The following GRIP2 variants were observed in gnomAD, a reference collection of about 807,000 sequenced individuals.
The protein encoded by GRIP2 is glutamate receptor interacting protein 2.
GRIP2 carries 58 observed loss-of-function variants against 108.3 expected under a neutral mutation model. That is an observed-to-expected ratio of 0.54 (90% CI 0.43 to 0.67). The LOEUF is 0.67. Ranked by LOEUF, GRIP2 falls within the 30% of genes least tolerant of loss-of-function variation. GRIP2 has a pLI of 0.00. For synonymous variants in GRIP2, 586 were observed against 598.2 expected, an observed-to-expected ratio of 0.98 and a Z score of 0.30; for missense variants, 1,278 against 1,430.6, an observed-to-expected ratio of 0.89 and a Z score of 1.72.
the GRIP2 span, among the ~76,000 whole-genome samples, chr3:14,570,671 T>C: frequency 1.3e-5 from 2 of 152,372 alleles, no homozygotes; most frequent in Admixed American, 6.5e-5. Flanking sequence ...CATTTTTCAA[T>C]AACTCATTGT....
rs1195253119 is a variant in GRIP2, at chr3:14,540,001, A to C, written c.40+268T>G. 2.0e-5 allele frequency among the ~76,000 whole-genome samples: 3 copies of C among 152,094 alleles called. No homozygotes were observed. The highest frequency in any genetic ancestry group is 2.9e-5 in the Non-Finnish European group (2 of 67,988). The stretch of plus-strand genomic sequence containing the variant: ...CAGCCTTCCCCCTACAAGGCTGAGC[A>C]CTGCCCTCGGAACCTCCAGACCCGC... On this transcript the variant is annotated intron_variant, in intron 1 of 23. Coordinates refer to ENST00000621039, the MANE Select transcript of GRIP2 (RefSeq NM_001080423.4). The surrounding 1 kb of genome is among the most constrained non-coding windows in gnomAD (Gnocchi z 4.1).
chr3:14,555,589 C>G (rs1327329086), intron 1 of GRIP2, among the ~76,000 whole-genome samples: 3 of 151,060 alleles, frequency 2.0e-5, no homozygotes, highest in African/African-American at 7.3e-5. Context: ...AGAGGCCAGA[C>G]AGAGAGACAG....
the GRIP2 span, among the ~76,000 whole-genome samples, chr3:14,567,073 G>A: frequency 1.3e-5 from 2 of 152,156 alleles, no homozygotes; most frequent in African/African-American, 4.8e-5. Flanking sequence ...GCCCAGCCTT[G>A]AGGCATCTTT....
chr3:14,575,232 G>GA, the GRIP2 span, among the ~76,000 whole-genome samples: 1 of 152,186 alleles, frequency 6.6e-6, no homozygotes, highest in Non-Finnish European at 1.5e-5. Context: ...TAAAAGAGGA[G>GA]AAAAAAGATG....
In GRIP2 at chr3:14,512,849, T is replaced by C; in HGVS notation, c.1648A>G (p.Ile550Val). The C allele has an allele frequency of 6.2e-7, 1 of 1,613,692 alleles. No homozygotes were observed. The highest frequency in any genetic ancestry group is 8.5e-7 in the Non-Finnish European group (1 of 1,179,854). The change falls in exon 14 of 24, where the codon ATC becomes GTC. Residue 550 changes from isoleucine (I) to valine (V), a missense_variant. Ile to Val is a conservative substitution (Grantham distance 29). Transcript: ENST00000621039. This position sits in a 1 kb window ranked among gnomAD's most constrained non-coding sequence, Gnocchi z 5.1. The stretch of plus-strand genomic sequence containing the variant: ...ACGTGGAAGGTGCCACTGCTTGGGA[T>C]GACGGACTCTGGGGGTAGATGGACA... ...EVEFDVAESV[I>V]PSSGTFHVKL...
chr3:14,560,706 G>C (rs1191582875), upstream of GRIP2, among the ~76,000 whole-genome samples: 1 of 152,154 alleles, frequency 6.6e-6, no homozygotes, highest in Admixed American at 6.5e-5. Flanking sequence ...TCAGCACCTG[G>C]AACCCACCAT....
At chr3:14,572,251 G>A in the GRIP2 span, among the ~76,000 whole-genome samples, 18 of 149,958 alleles carry the variant, frequency 1.2e-4, no homozygotes, top group African/African-American at 3.4e-4. Flanking sequence ...GCATATTCAC[G>A]CAATGGAACT....
chr3:14,525,891 C>T lies in GRIP2; in HGVS notation c.81G>A (p.Gly27=), dbSNP rs751471027. 4.5e-6 allele frequency: 7 copies of T among 1,561,794 alleles called. No individual in the cohort carries two copies. The highest frequency in any genetic ancestry group is 6.1e-6 in the Non-Finnish European group (7 of 1,152,694). ...TGCGGCACGCCAGGGAAACGTCGGCCCCTCCTGCGTCCTTGCCTCCTTTGG... is the reference window on the plus strand; with the variant it reads ...TGCGGCACGCCAGGGAAACGTCGGCTCCTCCTGCGTCCTTGCCTCCTTTGG... The part of the protein sequence containing the change: ...PYSKGGKDAG[G]ADVSLACRRQ... The change falls in exon 2 of 24, where the codon GGG becomes GGA. Residue 27 remains glycine (G), a synonymous_variant. Transcript: ENST00000621039.
chr3:14,550,111 G>A (rs994906947), intron 1 of GRIP2, among the ~76,000 whole-genome samples: 1 of 152,204 alleles, frequency 6.6e-6, no homozygotes, highest in Admixed American at 6.5e-5. Flanking sequence ...GACAGGGCTT[G>A]ACCCTGGGAT....
chr3:14,601,066 T>A, the GRIP2 span, among the ~76,000 whole-genome samples: 15,299 of 148,876 alleles, frequency 0.1, 783 homozygotes, highest in East Asian at 0.15. Context: ...TCTCTCTCTC[T>A]CACACACACA....
chr3:14,602,100 G>C, the GRIP2 span: 3 of 152,330 alleles, frequency 2.0e-5, no homozygotes, highest in Admixed American at 6.5e-5. This position sits in a 1 kb window ranked among gnomAD's most constrained non-coding sequence, Gnocchi z 4.7. Flanking sequence ...CCCAAAGTGA[G>C]CAGCGGGTGA....
chr3:14,590,022 G>C, the GRIP2 span, among the ~76,000 whole-genome samples: 1 of 152,050 alleles, frequency 6.6e-6, no homozygotes, highest in Non-Finnish European at 1.5e-5. Context: ...CAAACTCCTA[G>C]GTTCAAGTGA....
chr3:14,575,004 G>A, the GRIP2 span, among the ~76,000 whole-genome samples: 1 of 152,156 alleles, frequency 6.6e-6, no homozygotes, highest in Non-Finnish European at 1.5e-5. Context: ...GAACAGCCAG[G>A]GAATGATTTT....
chr3:14,525,366 TC>T lies in GRIP2; in HGVS notation c.257+70del, dbSNP rs907761622. 8 of 1,564,604 alleles carry T rather than the reference TC, an allele frequency of 5.1e-6. No individual in the cohort carries two copies. In the African/African-American group the frequency reaches 1.1e-4, roughly 21 times the overall value. Reference sequence around the variant, plus strand: ...TTTGCCTAAGACCTTCAGTACATTTTCCACTGGCCCTGGGCTCCCATCATTG... The same window carrying T: ...TTTGCCTAAGACCTTCAGTACATTTTCACTGGCCCTGGGCTCCCATCATTG... On this transcript the variant is annotated intron_variant, in intron 3 of 23. Transcript: ENST00000621039.
chr3:14,523,971 A>G, intron 4 of GRIP2: 1 of 520,352 alleles, frequency 1.9e-6, no homozygotes, highest in Non-Finnish European at 3.4e-6. Context: ...TGGTAGGCTC[A>G]GGCCAGGGCT....
chr3:14,579,417 A>AT, the GRIP2 span, among the ~76,000 whole-genome samples: 20 of 152,160 alleles, frequency 1.3e-4, no homozygotes, highest in Admixed American at 1.3e-3. Context: ...CAACAAAGTT[A>AT]TTTTTTAAAA....
Position 14,517,803 on chromosome 3 carries a change from C to A in GRIP2, c.1125G>T (p.Trp375Cys). The A allele has an allele frequency of 6.2e-7, 1 of 1,608,602 alleles. No homozygotes were observed. The highest frequency in any genetic ancestry group is 2.2e-5 in the East Asian group (1 of 44,712). ...TTTGGTCCTGGCCAGCAGGTGTGGC[C>A]CAGGTGGGCATCCTGCAGTGGCCGG... is the stretch of plus-strand genomic sequence containing the variant. ...PRPGHCRMPT[W>C]ATPAGQDQSR... The change falls in exon 10 of 24, where the codon TGG becomes TGT. Residue 375 changes from tryptophan to cysteine, a missense_variant. By Grantham distance (215) the Trp-to-Cys change is radical. Coordinates refer to ENST00000621039, the MANE Select transcript of GRIP2 (RefSeq NM_001080423.4).
At chr3:14,593,466 G>A in the GRIP2 span, among the ~76,000 whole-genome samples, 3 of 152,194 alleles carry the variant, frequency 2.0e-5, no homozygotes, top group South Asian at 2.1e-4. Flanking sequence ...ACCAAGCCTC[G>A]TTCAGTCCAG....
the GRIP2 span, among the ~76,000 whole-genome samples, chr3:14,581,783 G>A: frequency 6.6e-6 from 1 of 152,168 alleles, no homozygotes; most frequent in Admixed American, 6.5e-5. Context: ...TTCGCACTTG[G>A]GCAAGTTGGG....
Sources: gnomAD v4.1 joint callset for allele counts (sites outside exome capture counted in the v4.1 genomes callset) on GRCh38, gnomAD v4.1.1 for gene constraint, Gnocchi (gnomAD v3.1) non-coding constraint, MANE v1.5 for transcripts, NCBI Gene and HGNC (gene_info 2026-07-23, HGNC 2026-07-21) for gene names.